KIAA1549: variants seen among roughly 807,000 people sequenced by gnomAD.
KIAA1549 encodes the protein KIAA1549.
Under a neutral mutation model 156.4 loss-of-function variants are expected in KIAA1549, and 70 were observed. The observed-to-expected ratio is 0.45, with a 90% confidence interval of 0.37 to 0.55. The LOEUF is 0.55. Among genes scored for constraint, KIAA1549 ranks in the 20% least tolerant of loss-of-function variants. The pLI, the probability that KIAA1549 is intolerant of heterozygous loss-of-function variation, is 0.00. For synonymous variants in KIAA1549, 1,103 were observed against 1,066.4 expected, an observed-to-expected ratio of 1.03 and a Z score of -0.67; for missense variants, 2,428 against 2,540.9, an observed-to-expected ratio of 0.96 and a Z score of 0.96.
intron 1 of KIAA1549, among the ~76,000 whole-genome samples, chr7:138,954,177 A>G (rs1813588859): frequency 6.6e-6 from 1 of 152,232 alleles, no homozygotes; most frequent in Non-Finnish European, 1.5e-5. Context: ...TTGCTAGAAG[A>G]ATATGAAGCA....
intron 1 of KIAA1549, among the ~76,000 whole-genome samples, chr7:138,962,624 G>A (rs188769283): frequency 7.2e-5 from 11 of 152,232 alleles, no homozygotes; most frequent in Admixed American, 7.2e-4. Flanking sequence ...AGGTAGGAGG[G>A]GGTGAAACAG....
chr7:138,861,901 G>A (rs563340331), intron 15 of KIAA1549, among the ~76,000 whole-genome samples: 1 of 152,016 alleles, frequency 6.6e-6, no homozygotes, highest in Non-Finnish European at 1.5e-5. Context: ...GCTGAGGAAT[G>A]TGCGTTACAT....
chr7:138,973,978 T>A (rs1814298478), intron 1 of KIAA1549, among the ~76,000 whole-genome samples: 1 of 152,174 alleles, frequency 6.6e-6, no homozygotes, highest in Non-Finnish European at 1.5e-5. Context: ...CTGGGATAGA[T>A]TAAAAATCAA....
At chr7:138,939,647 T>C (rs980025525) in intron 1 of KIAA1549, among the ~76,000 whole-genome samples, 16 of 152,230 alleles carry the variant, frequency 1.1e-4, no homozygotes, top group African/African-American at 3.9e-4. Context: ...GTATTTCCAC[T>C]GTATCACGGC....
intron 8 of KIAA1549, among the ~76,000 whole-genome samples, chr7:138,902,739 G>A (rs1285289367): frequency 1.3e-5 from 2 of 152,100 alleles, no homozygotes; most frequent in Admixed American, 6.6e-5. Context: ...CACCTGGGAG[G>A]CAGATGTTGT....
At chr7:138,869,292 A>G (rs962911069) in intron 14 of KIAA1549, among the ~76,000 whole-genome samples, 3 of 152,380 alleles carry the variant, frequency 2.0e-5, no homozygotes, top group African/African-American at 4.8e-5. Context: ...AGAGGGGCAG[A>G]GTTGAGAACA....
intron 12 of KIAA1549, among the ~76,000 whole-genome samples, chr7:138,874,408 A>G (rs929020005): frequency 6.6e-6 from 1 of 152,240 alleles, no homozygotes; most frequent in Non-Finnish European, 1.5e-5. Flanking sequence ...CACAAAAAAT[A>G]AGTATGTGAG....
At chr7:138,945,367 T>C (rs1260312823) in intron 1 of KIAA1549, among the ~76,000 whole-genome samples, 5 of 152,206 alleles carry the variant, frequency 3.3e-5, no homozygotes, top group African/African-American at 1.2e-4. Context: ...AATCACCTCC[T>C]TATTGATGCT....
rs773360115 is a variant in KIAA1549 at position 138,917,321 on chromosome 7, G to A, written c.2305C>T (p.Leu769=). 1.7e-5 allele frequency: 27 copies of A among 1,613,864 alleles called. No homozygotes were observed. Among genetic ancestry groups the A allele is most frequent in the Non-Finnish European group, 2.3e-5 (27 of 1,179,872 alleles). ...AAAGACTCAGAGCCGGGGGGCACCAGTGCAGTGACTGCGGATTCATGGGAA... is the reference window on the plus strand; with the variant it reads ...AAAGACTCAGAGCCGGGGGGCACCAATGCAGTGACTGCGGATTCATGGGAA... ...LISHESAVTA[L]VPPGSESFDI... Residue 769 remains leucine (L), a synonymous_variant, in exon 2 of 20, where the codon CTG becomes TTG. Coordinates refer to ENST00000422774, the MANE Select transcript of KIAA1549 (RefSeq NM_001164665.2).
chr7:138,933,400 A>G (rs1812925956), intron 1 of KIAA1549, among the ~76,000 whole-genome samples: 1 of 152,256 alleles, frequency 6.6e-6, no homozygotes, highest in South Asian at 2.1e-4. Flanking sequence ...TGCCAAGGTC[A>G]TAAAAGGCAA....
rs1814531163 is a variant in KIAA1549 at position 138,981,065 on chromosome 7, G to A, written c.187+18C>T. ...GGCGGGGTCGCGGCCGCGTTCCGAGGGTCTCGGCGGAGCTTACCTGGGGCG... is the reference window on the plus strand; with the variant it reads ...GGCGGGGTCGCGGCCGCGTTCCGAGAGTCTCGGCGGAGCTTACCTGGGGCG... On this transcript the variant is annotated intron_variant, in intron 1 of 19. Transcript: ENST00000422774. The surrounding 1 kb of genome is among the most constrained non-coding windows in gnomAD (Gnocchi z 4.5). 1 of 1,224,842 alleles carries A rather than the reference G, an allele frequency of 8.2e-7. No individual in the cohort carries two copies. Among genetic ancestry groups the A allele is most frequent in the Non-Finnish European group, 1.0e-6 (1 of 982,618 alleles). The allele number at this position is 1,224,842 out of a possible 1,614,324, so 75.9% of individuals were successfully genotyped here.
chr7:138,960,302 G>GATTT lies in KIAA1549; in HGVS notation c.187+20777_187+20780dup, dbSNP rs1475349128. Among the ~76,000 whole-genome samples the GATTT allele has an allele frequency of 4.9e-3, 442 of 91,126 alleles. 4 individuals carry two copies. The highest frequency in any genetic ancestry group is 0.018 in the African/African-American group (375 of 21,332). 59.8% of individuals were successfully genotyped at this position (91,126 alleles called of 152,430 possible). ...ATAAATTTTATTTTATTGATTTATT[G>GATTT]ATTTATTTATTTATTTATTTATTTT... On this transcript the variant is annotated intron_variant, in intron 1 of 19. Coordinates refer to ENST00000422774, the MANE Select transcript of KIAA1549 (RefSeq NM_001164665.2).
chr7:138,950,269 GAATA>G (rs1813456909), intron 1 of KIAA1549, among the ~76,000 whole-genome samples: 2 of 152,210 alleles, frequency 1.3e-5, no homozygotes, highest in East Asian at 3.9e-4. Flanking sequence ...AAAAATTTCA[GAATA>G]TATATAAAAT....
Position 138,917,510 on chromosome 7 carries a change from T to C in KIAA1549, c.2116A>G (p.Thr706Ala), listed in dbSNP as rs374812296. 1.9e-6 allele frequency: 3 copies of C among 1,613,640 alleles called. No homozygotes were observed. Among genetic ancestry groups the C allele is most frequent in the Non-Finnish European group, 1.7e-6 (2 of 1,179,868 alleles). ...GAACGGCTAGGTAGCAACATGATGG[T>C]GTTTAAAGGCAGCTCGGAACTTGGC... Reference protein sequence around the residue: ...LQPSSELPLNTIMLLPSRSEV... With the variant: ...LQPSSELPLNAIMLLPSRSEV... The change falls in exon 2 of 20, where the codon ACC (threonine) becomes GCC (alanine). Residue 706 changes from threonine to alanine, a missense_variant. Around this residue, in one of 5 missense-constraint regions of KIAA1549, gnomAD observed 762 missense variants for 901.6 expected, o/e 0.85. Coordinates refer to ENST00000422774, the MANE Select transcript of KIAA1549 (RefSeq NM_001164665.2).
Position 138,864,248 on chromosome 7 carries a change from A to G in KIAA1549, c.4930-2792T>C, listed in dbSNP as rs1210742286. ...TGTGGGAAACGATCTCAGACATTTG[A>G]GCAGAGTCCCCAGCGGCTATAACCA... On this transcript the variant is annotated intron_variant, in intron 15 of 19. Transcript: ENST00000422774. 3.9e-5 allele frequency among the ~76,000 whole-genome samples: 6 copies of G among 152,182 alleles called. 1 individual carries two copies. The highest frequency in any genetic ancestry group is 3.9e-4 in the Admixed American group (6 of 15,280).
chr7:138,981,358 G>T lies in KIAA1549; in HGVS notation c.-89C>A. The T allele has an allele frequency of 2.1e-6, 1 of 479,348 alleles. No homozygotes were observed. Among genetic ancestry groups the T allele is most frequent in the Non-Finnish European group, 2.7e-6 (1 of 370,328 alleles). The allele number at this position is 479,348 out of a possible 1,614,324, so 29.7% of individuals were successfully genotyped here. A position where few individuals can be genotyped will look rare whatever the true frequency, so the allele number is the denominator to read the frequency against. On this transcript the variant is annotated 5_prime_UTR_variant, in exon 1 of 20. Coordinates refer to ENST00000422774, the MANE Select transcript of KIAA1549 (RefSeq NM_001164665.2). The surrounding 1 kb of genome is among the most constrained non-coding windows in gnomAD (Gnocchi z 4.5). Reference sequence around the variant, plus strand: ...GCTGCGGCTGCGGCTGGGACGGGGCGCCGCGCACCGGCGCGGAGGGAGGCC... The same window carrying T: ...GCTGCGGCTGCGGCTGGGACGGGGCTCCGCGCACCGGCGCGGAGGGAGGCC...
At position 138,881,534 on chromosome 7, in the gene KIAA1549, A is replaced by C. The variant is rs746513015; in HGVS notation, c.4083T>G (p.Gly1361=). The C allele has an allele frequency of 6.2e-7, 1 of 1,613,772 alleles. No homozygotes were observed. The highest frequency in any genetic ancestry group is 8.5e-7 in the Non-Finnish European group (1 of 1,179,878). ...TCAATATGTCGTCTTTATTGTGCTG[A>C]CCCAGATGCTGCTTAGCAAAATCGA... ...KGFDFAKQHL[G]QHNKDDILII... The change falls in exon 11 of 20, where the codon GGT becomes GGG. Residue 1361 remains glycine (G), a synonymous_variant. Coordinates refer to ENST00000422774, the MANE Select transcript of KIAA1549 (RefSeq NM_001164665.2).
chr7:138,922,629 A>G (rs2130490091), intron 1 of KIAA1549, among the ~76,000 whole-genome samples: 1 of 152,144 alleles, frequency 6.6e-6, no homozygotes, highest in South Asian at 2.1e-4. Context: ...TTTATAATTA[A>G]TAAATTTTAA....
intron 2 of KIAA1549, 71 bp from the exon 3 acceptor site, chr7:138,912,531 AC>A: frequency 1.6e-6 from 2 of 1,286,078 alleles, no homozygotes; most frequent in Non-Finnish European, 1.1e-6. Flanking sequence ...AGACTTCTGG[AC>A]CCCAGCACTG....
Sources: allele counts gnomAD v4.1 joint callset (sites outside exome capture counted in the v4.1 genomes callset), GRCh38; gene constraint gnomAD v4.1.1; regional missense constraint gnomAD v4.1.1; non-coding constraint Gnocchi (gnomAD v3.1); transcripts MANE v1.5; gene names NCBI Gene and HGNC (gene_info 2026-07-23, HGNC 2026-07-21).